NT5E: variants seen among roughly 807,000 people sequenced by gnomAD.
NT5E encodes the protein 5'-nucleotidase.
A neutral mutation model predicts 55.1 loss-of-function variants in NT5E; 53 were observed. The observed-to-expected ratio is 0.96, with a 90% CI of 0.77 to 1.21. The LOEUF (loss-of-function observed/expected upper bound fraction) is 1.21. NT5E is among the 50% of genes most tolerant of loss of function. NT5E has a pLI of 0.00. For missense variants in NT5E, 683 were observed against 724.3 expected (o/e 0.94, Z 0.65); for synonymous variants, 270 against 278.4 (o/e 0.97, Z 0.30).
intron 1 of NT5E, among the ~76,000 whole-genome samples, chr6:85,462,840 A>G (rs1172515392): frequency 1.3e-5 from 2 of 152,252 alleles, no homozygotes; most frequent in East Asian, 1.9e-4. Context: ...GCTTGGAAAC[A>G]GGTGAAAAGC....
intron 3 of NT5E, among the ~76,000 whole-genome samples, chr6:85,476,375 T>C (rs951401663): frequency 6.6e-6 from 1 of 152,116 alleles, no homozygotes; most frequent in Non-Finnish European, 1.5e-5. Context: ...CAACTCCTCA[T>C]GGGAGGGAGA....
intron 1 of NT5E, among the ~76,000 whole-genome samples, chr6:85,460,001 A>G (rs2127754835): frequency 6.6e-6 from 1 of 152,350 alleles, no homozygotes; most frequent in South Asian, 2.1e-4. Flanking sequence ...AATTCTCTAT[A>G]CAGGCCAAAA....
At chr6:85,454,346 A>G (rs1234932349) in intron 1 of NT5E, among the ~76,000 whole-genome samples, 1 of 152,218 alleles carries the variant, frequency 6.6e-6, no homozygotes, top group Non-Finnish European at 1.5e-5. Flanking sequence ...TATTTTACCT[A>G]TATATCATGG....
At chr6:85,491,624 C>T (rs940151276) in intron 7 of NT5E, among the ~76,000 whole-genome samples, 5 of 152,238 alleles carry the variant, frequency 3.3e-5, no homozygotes, top group African/African-American at 7.2e-5. Flanking sequence ...TTGTAAAATG[C>T]TCTCTGCCTC....
rs189028409 is a variant in NT5E at position 85,478,910 on chromosome 6, C to T, written c.752-6325C>T. ...TAGGATATATCCTATCTGAAGAACTCTAATACAGGTATTTCACTGAACAAA... is the reference window on the plus strand; with the variant it reads ...TAGGATATATCCTATCTGAAGAACTTTAATACAGGTATTTCACTGAACAAA... On this transcript the variant is annotated intron_variant, in intron 3 of 8. Transcript: ENST00000257770. 6.4e-4 allele frequency among the ~76,000 whole-genome samples: 98 copies of T among 152,096 alleles called. 1 individual carries two copies. The East Asian group carries it at 0.014, about 22-fold the overall frequency.
chr6:85,488,305 G>C (rs1769707727), intron 5 of NT5E, among the ~76,000 whole-genome samples: 1 of 152,138 alleles, frequency 6.6e-6, no homozygotes, highest in South Asian at 2.1e-4. Context: ...GTCAGTGCTT[G>C]GCATGCATTG....
chr6:85,464,576 A>C (rs538249446), intron 1 of NT5E, among the ~76,000 whole-genome samples: 19 of 152,034 alleles, frequency 1.2e-4, no homozygotes, highest in Non-Finnish European at 2.8e-4. Context: ...AGCCCCCTGG[A>C]CCCTGCTTAG....
chr6:85,468,849 C>T (rs1292174823), intron 2 of NT5E, among the ~76,000 whole-genome samples: 3 of 152,052 alleles, frequency 2.0e-5, no homozygotes, highest in Non-Finnish European at 2.9e-5. Flanking sequence ...TCTGACCAGC[C>T]CTTTACCAGG....
intron 3 of NT5E, among the ~76,000 whole-genome samples, chr6:85,475,422 ACCAT>A (rs1371814454): frequency 6.6e-6 from 1 of 152,214 alleles, no homozygotes; most frequent in Non-Finnish European, 1.5e-5. Context: ...CTTTCCAAGT[ACCAT>A]GCATATGCAG....
intron 2 of NT5E, among the ~76,000 whole-genome samples, 155 bp from the exon 3 acceptor site, chr6:85,471,081 TA>T (rs1769294301): frequency 6.6e-6 from 1 of 152,222 alleles, no homozygotes; most frequent in Non-Finnish European, 1.5e-5. Flanking sequence ...ATTTACTTCT[TA>T]GGGGTTTTGT....
chr6:85,475,933 A>C (rs1769425961), intron 3 of NT5E, among the ~76,000 whole-genome samples: 1 of 152,164 alleles, frequency 6.6e-6, no homozygotes, highest in Admixed American at 6.5e-5. Flanking sequence ...AATAAAAAAA[A>C]ATTTGGTAGA....
chr6:85,484,453 T>G (rs1053590090), intron 3 of NT5E, among the ~76,000 whole-genome samples: 3 of 152,156 alleles, frequency 2.0e-5, no homozygotes, highest in Non-Finnish European at 4.4e-5. Flanking sequence ...CCTCCTAGCC[T>G]CTGGGTGATG....
At chr6:85,463,634 G>T (rs1769135870) in intron 1 of NT5E, among the ~76,000 whole-genome samples, 1 of 152,102 alleles carries the variant, frequency 6.6e-6, no homozygotes, top group South Asian at 2.1e-4. Context: ...CTTCTCTTGG[G>T]CAGTCTTTTC....
At chr6:85,478,776 A>G (rs2127722863) in intron 3 of NT5E, among the ~76,000 whole-genome samples, 1 of 151,646 alleles carries the variant, frequency 6.6e-6, no homozygotes. Flanking sequence ...TGACATATTT[A>G]TCTTAGACCT....
At chr6:85,459,610 C>T (rs1173315877) in intron 1 of NT5E, among the ~76,000 whole-genome samples, 2 of 152,156 alleles carry the variant, frequency 1.3e-5, no homozygotes, top group African/African-American at 4.8e-5. Context: ...ATTTTTGAAA[C>T]CCAAATACCT....
chr6:85,480,286 G>A (rs1420081928), intron 3 of NT5E, among the ~76,000 whole-genome samples: 1 of 152,154 alleles, frequency 6.6e-6, no homozygotes, highest in South Asian at 2.1e-4. Context: ...GACTTCCTGG[G>A]TCATCACTGA....
chr6:85,492,129 G>A lies in NT5E; in HGVS notation c.1513G>A (p.Gly505Arg), dbSNP rs1289899714. The stretch of plus-strand genomic sequence containing the variant: ...CCTCCCAAACTTCCTGGCCAATGGT[G>A]GAGATGGGTTCCAGATGATAAAAGA... ...VILPNFLANGGDGFQMIKDEL... is the reference protein window; with the variant it reads ...VILPNFLANGRDGFQMIKDEL... Residue 505 changes from glycine (G) to arginine (R), a missense_variant, in exon 8 of 9, where the codon GGA becomes AGA. Transcript: ENST00000257770. The A allele has an allele frequency of 8.7e-6, 14 of 1,614,160 alleles. No individual in the cohort carries two copies. Among genetic ancestry groups the A allele is most frequent in the Non-Finnish European group, 1.2e-5 (14 of 1,180,008 alleles).
chr6:85,467,471 C>T (rs1769219463), intron 2 of NT5E, among the ~76,000 whole-genome samples, 189 bp downstream of exon 2: 1 of 152,232 alleles, frequency 6.6e-6, no homozygotes, highest in Non-Finnish European at 1.5e-5. Flanking sequence ...GAGATGTCCT[C>T]TTCTGCTCAG....
At position 85,467,067 on chromosome 6, in the gene NT5E, G is replaced by A. The variant is rs1206176412; in HGVS notation, c.347G>A (p.Gly116Glu). The change falls in exon 2 of 9, where the codon GGA becomes GAA. Residue 116 changes from glycine to glutamate, a missense_variant. Coordinates refer to ENST00000257770, the MANE Select transcript of NT5E (RefSeq NM_002526.4). ...CTTTTCTGTTTTATCTAGGCACTGG[G>A]AAATCATGAATTTGATAATGGTGTG... ...NALRYDAMAL[G>E]NHEFDNGVEG... is the part of the protein sequence containing the mutation. The A allele has an allele frequency of 6.2e-7, 1 of 1,613,902 alleles. No individual in the cohort carries two copies. The highest frequency in any genetic ancestry group is 2.2e-5 in the East Asian group (1 of 44,870).
Sources: gnomAD v4.1 joint callset for allele counts (sites outside exome capture counted in the v4.1 genomes callset) on GRCh38, gnomAD v4.1.1 for gene constraint, MANE v1.5 for transcripts, NCBI Gene and HGNC (gene_info 2026-07-23, HGNC 2026-07-21) for gene names.